BRWD3: variants seen among roughly 807,000 people sequenced by gnomAD.
BRWD3 encodes bromodomain and WD repeat domain containing 3, also known as bromodomain and WD repeat-containing protein 3.
A neutral mutation model predicts 149.7 loss-of-function variants in BRWD3; 10 were observed. That is an observed-to-expected ratio of 0.07 (90% CI 0.04 to 0.11). BRWD3 has a LOEUF of 0.11. Among genes scored for constraint, BRWD3 ranks in the 10% least tolerant of loss-of-function variants. The pLI is 1.00. For missense variants in BRWD3, 940 were observed against 1,373.2 expected (o/e 0.68, Z 4.99); for synonymous variants, 504 against 456.7 (o/e 1.10, Z -1.32).
intron 6 of BRWD3, among the ~76,000 whole-genome samples, chrX:80,775,728 T>C (rs1166227619): frequency 8.9e-6 from 1 of 112,300 alleles, no homozygotes; most frequent in African/African-American, 3.2e-5. Flanking sequence ...TTGTTGCATA[T>C]GAGCTACATA....
intron 6 of BRWD3, among the ~76,000 whole-genome samples, chrX:80,764,727 A>C (rs763696529): frequency 9.0e-6 from 1 of 111,346 alleles, no homozygotes; most frequent in East Asian, 2.8e-4. Flanking sequence ...CCATGTGAAA[A>C]GAATGAAAAG....
At chrX:80,713,412 A>C (rs1327958874) in intron 20 of BRWD3, among the ~76,000 whole-genome samples, 1 of 111,861 alleles carries the variant, frequency 8.9e-6, no homozygotes. Context: ...TGCTCTCTGA[A>C]ACATGTGCTG....
At chrX:80,713,067 G>T in intron 20 of BRWD3, among the ~76,000 whole-genome samples, 1 of 108,434 alleles carries the variant, frequency 9.2e-6, no homozygotes, top group African/African-American at 3.4e-5. Context: ...GGAGGGAGTT[G>T]GGGGGGTCAG....
At chrX:80,766,404 A>G (rs1396904203) in intron 6 of BRWD3, among the ~76,000 whole-genome samples, 3 of 111,265 alleles carry the variant, frequency 2.7e-5, no homozygotes, top group Non-Finnish European at 5.7e-5. Context: ...AAATACATCT[A>G]TCAATCCTAC....
intron 8 of BRWD3, among the ~76,000 whole-genome samples, chrX:80,738,870 C>T (rs1319845236): frequency 9.0e-6 from 1 of 111,655 alleles, no homozygotes; most frequent in Non-Finnish European, 1.9e-5. Flanking sequence ...AACAAACACG[C>T]AGTAGATGAG....
At chrX:80,715,168 G>C (rs1273389263) in intron 20 of BRWD3, among the ~76,000 whole-genome samples, 1 of 105,699 alleles carries the variant, frequency 9.5e-6, no homozygotes, top group African/African-American at 3.5e-5. Context: ...AGCTTAGTAA[G>C]AAACATGAAT....
At chrX:80,738,199 T>C (rs1203350615) in intron 8 of BRWD3, among the ~76,000 whole-genome samples, 7 of 112,563 alleles carry the variant, frequency 6.2e-5, no homozygotes, top group Non-Finnish European at 1.3e-4. Context: ...GGCCCATTAA[T>C]GTGCCTTAAT....
chrX:80,732,763 T>G (rs190414539), intron 12 of BRWD3, among the ~76,000 whole-genome samples: 82 of 111,834 alleles, frequency 7.3e-4, no homozygotes, highest in African/African-American at 2.3e-3. Flanking sequence ...CTAAGTCATG[T>G]GGTAAAAAGC....
chrX:80,700,442 A>ATATATATATATATAT (rs58761845), intron 24 of BRWD3, among the ~76,000 whole-genome samples: 2 of 94,695 alleles, frequency 2.1e-5, no homozygotes, highest in Admixed American at 1.2e-4. Context: ...TGATATATAT[A>ATATATATATATATAT]ACAATACAAT....
At chrX:80,803,020 T>A (rs2147869049) in intron 4 of BRWD3, among the ~76,000 whole-genome samples, 1 of 104,175 alleles carries the variant, frequency 9.6e-6, no homozygotes, top group East Asian at 3.1e-4. Context: ...GAGAATGGCG[T>A]GAACCCGGGA....
At chrX:80,766,656 A>G (rs1416861060) in intron 6 of BRWD3, among the ~76,000 whole-genome samples, 1 of 112,199 alleles carries the variant, frequency 8.9e-6, no homozygotes, top group Non-Finnish European at 1.9e-5. Flanking sequence ...AAGATGGCCA[A>G]ATAGGAACAG....
chrX:80,680,332 CACATAATGAATTAGG>C lies in BRWD3; in HGVS notation c.4654+994_4654+1008del, dbSNP rs781290993. On this transcript the variant is annotated intron_variant, in intron 40 of 40. Transcript: ENST00000373275. ...TCCCTTGTATGGTCCAAGATAGACG[CACATAATGAATTAGG>C]TCAGTGTTTCTTTTTAAGCAGTGAA... Among the ~76,000 whole-genome samples the C allele has an allele frequency of 1.2e-4, 14 of 112,025 alleles. No homozygotes were observed. The East Asian group carries it at 4.0e-3, about 32-fold the overall frequency.
chrX:80,708,046 A>G (rs1048698208), intron 21 of BRWD3, among the ~76,000 whole-genome samples: 3 of 112,010 alleles, frequency 2.7e-5, no homozygotes, highest in Non-Finnish European at 5.6e-5. Context: ...ATATTTACTA[A>G]GATTAGGATT....
chrX:80,767,471 G>A (rs1191358530), intron 6 of BRWD3, among the ~76,000 whole-genome samples: 1 of 111,337 alleles, frequency 9.0e-6, no homozygotes, highest in African/African-American at 3.3e-5. Context: ...GGACCTAACT[G>A]TTAGAAGGAA....
chrX:80,725,988 TATAAC>T (rs774634790), intron 14 of BRWD3, among the ~76,000 whole-genome samples: 27 of 100,752 alleles, frequency 2.7e-4, no homozygotes, highest in East Asian at 9.5e-4. Flanking sequence ...TATATGTCTA[TATAAC>T]ATAACATGTT....
intron 3 of BRWD3, 102 bp from the exon 4 acceptor site, chrX:80,808,700 A>C: frequency 1.6e-6 from 1 of 638,863 alleles, no homozygotes; most frequent in Non-Finnish European, 2.3e-6. Flanking sequence ...AGTCCTCAAC[A>C]CTTTACCGTC....
intron 13 of BRWD3, among the ~76,000 whole-genome samples, chrX:80,729,670 CAGT>C (rs745519485): frequency 9.0e-6 from 1 of 111,195 alleles, no homozygotes; most frequent in Admixed American, 9.6e-5. Context: ...CTGTAGGCAT[CAGT>C]AGAACACAGA....
chrX:80,742,025 A>G (rs1198330839), intron 8 of BRWD3, among the ~76,000 whole-genome samples: 1 of 111,537 alleles, frequency 9.0e-6, no homozygotes, highest in African/African-American at 3.3e-5. Context: ...GTTTTCTTCT[A>G]GGGTTTTTAT....
chrX:80,726,234 C>T, intron 14 of BRWD3, among the ~76,000 whole-genome samples: 1 of 93,168 alleles, frequency 1.1e-5, no homozygotes, highest in South Asian at 5.6e-4. Context: ...AACACGTTTA[C>T]ATGTTATATG....
Sources: gnomAD v4.1 joint callset for allele counts (sites outside exome capture counted in the v4.1 genomes callset) on GRCh38, gnomAD v4.1.1 for gene constraint, MANE v1.5 for transcripts, NCBI Gene and HGNC (gene_info 2026-07-23, HGNC 2026-07-21) for gene names.